Variants in PARP8 observed in about 807,000 individuals in gnomAD.
PARP8 encodes protein mono-ADP-ribosyltransferase PARP8.
A neutral mutation model predicts 124.1 loss-of-function variants in PARP8; 51 were observed. The observed-to-expected ratio is 0.41, with a 90% confidence interval of 0.33 to 0.52. The LOEUF is 0.52. Among genes scored for constraint, PARP8 ranks in the 20% least tolerant of loss-of-function variants. The probability of loss-of-function intolerance (pLI) is 0.21; values close to 1 mark genes in which losing one functional copy is unlikely to be tolerated. For missense variants in PARP8, 860 were observed against 1,018.9 expected (o/e 0.84, Z 2.12); for synonymous variants, 391 against 361.5 (o/e 1.08, Z -0.93).
intron 10 of PARP8, among the ~76,000 whole-genome samples, chr5:50,789,942 G>C (rs1360392026): frequency 2.0e-5 from 3 of 152,138 alleles, no homozygotes; most frequent in Non-Finnish European, 4.4e-5. Flanking sequence ...ATATGAAATA[G>C]AGAACTTACT....
intron 23 of PARP8, chr5:50,833,525 A>G (rs1277782628): frequency 5.8e-6 from 2 of 342,426 alleles, no homozygotes; most frequent in Non-Finnish European, 1.1e-5. Flanking sequence ...AAAAAAAAAA[A>G]TCCCAGATTT....
chr5:50,778,170 A>G, intron 8 of PARP8, 41 bp downstream of exon 8: 1 of 1,368,578 alleles, frequency 7.3e-7, no homozygotes, highest in Non-Finnish European at 1.0e-6. Context: ...TGCATTTAAA[A>G]TACATTTTAT....
In PARP8 at chr5:50,691,712, G is replaced by A. The variant is rs1173420323; in HGVS notation, c.146+23587G>A. Among the ~76,000 whole-genome samples the A allele has an allele frequency of 2.0e-5, 3 of 152,116 alleles. No individual in the cohort carries two copies. The East Asian group carries it at 5.8e-4, about 29-fold the overall frequency. On this transcript the variant is annotated intron_variant, in intron 2 of 25. Transcript: ENST00000281631. ...CAGATCTATGTTCTGTGTATCCACT[G>A]CCTACTAGACATCACAAACTGGACA...
intron 2 of PARP8, among the ~76,000 whole-genome samples, chr5:50,693,640 C>T (rs896955878): frequency 9.3e-5 from 14 of 151,280 alleles, no homozygotes; most frequent in Non-Finnish European, 2.1e-4. Flanking sequence ...CTATTACATA[C>T]ATTAATTATA....
At chr5:50,742,694 G>A (rs1158332464) in intron 2 of PARP8, among the ~76,000 whole-genome samples, 1 of 152,210 alleles carries the variant, frequency 6.6e-6, no homozygotes, top group Non-Finnish European at 1.5e-5. Flanking sequence ...TTACTGAGCA[G>A]AGTTGTTAAT....
chr5:50,835,162 T>G (rs1747425361), intron 25 of PARP8, 147 bp downstream of exon 25: 4 of 641,764 alleles, frequency 6.2e-6, no homozygotes, highest in Non-Finnish European at 1.1e-5. Context: ...TTATTTTCAG[T>G]AAGCCATTAA....
At chr5:50,733,767 C>T (rs931767263) in intron 2 of PARP8, among the ~76,000 whole-genome samples, 1 of 151,806 alleles carries the variant, frequency 6.6e-6, no homozygotes, top group Admixed American at 6.6e-5. Context: ...TCATGTGAGG[C>T]TTCATTTTAG....
intron 21 of PARP8, among the ~76,000 whole-genome samples, chr5:50,829,659 AT>A (rs1299118704): frequency 3.9e-5 from 6 of 152,180 alleles, no homozygotes; most frequent in Non-Finnish European, 5.9e-5. Flanking sequence ...ATAATAAATG[AT>A]TGTCTTTATT....
chr5:50,769,585 T>A (rs1339754489), intron 7 of PARP8, among the ~76,000 whole-genome samples: 1 of 151,684 alleles, frequency 6.6e-6, no homozygotes, highest in African/African-American at 2.4e-5. Flanking sequence ...GCACATAGAT[T>A]TTTTTTATCC....
At chr5:50,796,069 C>T (rs1742512325) in intron 12 of PARP8, among the ~76,000 whole-genome samples, 1 of 152,130 alleles carries the variant, frequency 6.6e-6, no homozygotes, top group African/African-American at 2.4e-5. Context: ...AAATTTATCG[C>T]TAGCATGATT....
chr5:50,824,939 A>G lies in PARP8; in HGVS notation c.1892A>G (p.Asp631Gly), dbSNP rs765066954. The G allele has an allele frequency of 1.2e-6, 2 of 1,613,452 alleles. No individual in the cohort carries two copies. The highest frequency in any genetic ancestry group is 1.7e-6 in the Non-Finnish European group (2 of 1,179,468). The change falls in exon 18 of 26, where the codon GAT (aspartate) becomes GGT (glycine). Residue 631 changes from aspartate to glycine, a missense_variant. By Grantham distance (94) the Asp-to-Gly change is moderately conservative (BLOSUM62 -1). Transcript: ENST00000281631. ...APYLEIKKQM[D>G]KQDPLAHPLL... ...TATCTGGAAATCAAGAAGCAAATGG[A>G]TAAACAGGACCCCCTTGCTCATCCC...
chr5:50,694,806 AG>A (rs1697521298), intron 2 of PARP8, among the ~76,000 whole-genome samples: 1 of 151,668 alleles, frequency 6.6e-6, no homozygotes, highest in South Asian at 2.1e-4. Flanking sequence ...AAACCTCAGA[AG>A]TAAGGAAGCC....
At chr5:50,705,028 T>C (rs1424363158) in intron 2 of PARP8, among the ~76,000 whole-genome samples, 1 of 152,200 alleles carries the variant, frequency 6.6e-6, no homozygotes, top group East Asian at 1.9e-4. Flanking sequence ...CATTTACAAA[T>C]GGGCAAATTT....
chr5:50,728,452 G>A (rs112764700), intron 2 of PARP8, among the ~76,000 whole-genome samples: 2,044 of 152,036 alleles, frequency 0.013, 43 homozygotes, highest in African/African-American at 0.046. Flanking sequence ...TTGTCTCTAT[G>A]ACATTCAGAG....
intron 17 of PARP8, among the ~76,000 whole-genome samples, chr5:50,824,150 A>C (rs181376052): frequency 6.6e-6 from 1 of 152,350 alleles, no homozygotes; most frequent in African/African-American, 2.4e-5. Flanking sequence ...GCTTCGTCTT[A>C]GGTAAATTGT....
intron 2 of PARP8, among the ~76,000 whole-genome samples, chr5:50,713,281 C>T (rs1231656137): frequency 2.6e-5 from 4 of 151,822 alleles, no homozygotes; most frequent in African/African-American, 7.3e-5. Context: ...CACTCTATTG[C>T]CCAGGCTGGA....
intron 2 of PARP8, among the ~76,000 whole-genome samples, chr5:50,670,274 A>T (rs1749853167): frequency 6.6e-6 from 1 of 152,174 alleles, no homozygotes; most frequent in Non-Finnish European, 1.5e-5. Flanking sequence ...TGGGAGCCTT[A>T]TGGAGAGAGA....
chr5:50,676,637 T>A (rs1036246753), intron 2 of PARP8, among the ~76,000 whole-genome samples: 7 of 152,210 alleles, frequency 4.6e-5, no homozygotes, highest in African/African-American at 1.4e-4. Flanking sequence ...TAGTGAGCAG[T>A]CTATGTTGGA....
intron 2 of PARP8, chr5:50,744,778 T>A (rs769757431): frequency 2.9e-6 from 2 of 700,872 alleles, no homozygotes; most frequent in Non-Finnish European, 5.2e-6. Flanking sequence ...AAAAGATGAG[T>A]ATGACTTTTA....
Sources: gnomAD v4.1 joint callset for allele counts (sites outside exome capture counted in the v4.1 genomes callset) on GRCh38, gnomAD v4.1.1 for gene constraint, MANE v1.5 for transcripts, NCBI Gene and HGNC (gene_info 2026-07-23, HGNC 2026-07-21) for gene names.